NTNG1: variants seen among roughly 807,000 people sequenced by gnomAD.
NTNG1 encodes netrin G1.
In NTNG1, 16 loss-of-function variants were observed where a neutral mutation model predicts 54.0. The observed-to-expected ratio is 0.30, with a 90% CI of 0.20 to 0.45. The LOEUF is 0.45. NTNG1 is among the 20% of genes least tolerant of loss of function. NTNG1 has a pLI of 1.00. For synonymous variants in NTNG1, 255 were observed against 263.1 expected (o/e 0.97, Z 0.30); for missense variants, 530 against 678.7 (o/e 0.78, Z 2.43).
intron 2 of NTNG1, among the ~76,000 whole-genome samples, chr1:107,225,933 A>C (rs780523344): frequency 6.6e-6 from 1 of 152,192 alleles, no homozygotes; most frequent in Non-Finnish European, 1.5e-5. Flanking sequence ...ATGGAGGCAC[A>C]GGTTCTATGT....
chr1:107,383,237 C>T (rs1671755957), intron 3 of NTNG1, among the ~76,000 whole-genome samples: 1 of 152,128 alleles, frequency 6.6e-6, no homozygotes, highest in Admixed American at 6.5e-5. Flanking sequence ...TAGAAGAGGG[C>T]TATGGAGTCA....
intron 7 of NTNG1, among the ~76,000 whole-genome samples, chr1:107,445,311 G>T (rs1676241719): frequency 1.3e-5 from 2 of 152,116 alleles, no homozygotes; most frequent in Admixed American, 6.6e-5. Context: ...CCTAGAGAGG[G>T]CTTGGATATT....
intron 2 of NTNG1, among the ~76,000 whole-genome samples, chr1:107,207,410 A>C (rs1659275933): frequency 6.6e-6 from 1 of 152,344 alleles, no homozygotes; most frequent in South Asian, 2.1e-4. Flanking sequence ...CTCCCAAAGG[A>C]AAAATACTGT....
chr1:107,440,458 C>A (rs552903239), intron 7 of NTNG1, among the ~76,000 whole-genome samples: 1 of 152,242 alleles, frequency 6.6e-6, no homozygotes, highest in South Asian at 2.1e-4. Context: ...CCTGGTGTTT[C>A]ATCTAAAATG....
chr1:107,199,998 A>G (rs541381072), intron 2 of NTNG1, among the ~76,000 whole-genome samples: 36 of 151,876 alleles, frequency 2.4e-4, no homozygotes, highest in Non-Finnish European at 4.3e-4. Context: ...TTTGATCTTC[A>G]TGGAATCATG....
chr1:107,410,299 A>G (rs1427834095), intron 5 of NTNG1: 1 of 152,198 alleles, frequency 6.6e-6, no homozygotes, highest in Non-Finnish European at 1.5e-5. Flanking sequence ...TGGGGCCCTA[A>G]TAAATTTCAG....
chr1:107,431,012 A>G, intron 6 of NTNG1, 95 bp downstream of exon 6: 1 of 1,119,546 alleles, frequency 8.9e-7, no homozygotes, highest in Non-Finnish European at 1.3e-6. Context: ...ACCGCGGTTG[A>G]GCCAGAATGA....
intron 3 of NTNG1, among the ~76,000 whole-genome samples, chr1:107,331,905 A>G (rs749380178): frequency 2.0e-5 from 3 of 151,870 alleles, no homozygotes; most frequent in Non-Finnish European, 2.9e-5. Context: ...TTCCACTAAA[A>G]TTTAATTTAC....
chr1:107,398,372 T>C (rs767376658), intron 4 of NTNG1, among the ~76,000 whole-genome samples: 4 of 152,162 alleles, frequency 2.6e-5, no homozygotes, highest in Non-Finnish European at 5.9e-5. Flanking sequence ...AGTCAGGGAA[T>C]GACAATATTC....
At chr1:107,204,277 G>T (rs1026793383) in intron 2 of NTNG1, among the ~76,000 whole-genome samples, 1 of 152,070 alleles carries the variant, frequency 6.6e-6, no homozygotes, top group Admixed American at 6.6e-5. Flanking sequence ...GTTGAGTCAC[G>T]ACTGTGAATC....
chr1:107,374,336 C>T (rs541603511), intron 3 of NTNG1, among the ~76,000 whole-genome samples: 29 of 152,268 alleles, frequency 1.9e-4, no homozygotes, highest in African/African-American at 6.3e-4. Flanking sequence ...ACCCATCTCT[C>T]TCTCTTCTCC....
chr1:107,296,396 T>C (rs1295791997), intron 2 of NTNG1, among the ~76,000 whole-genome samples: 2 of 151,996 alleles, frequency 1.3e-5, no homozygotes, highest in African/African-American at 2.4e-5. Flanking sequence ...AAGTACAATG[T>C]ATGCACATTG....
At chr1:107,241,039 C>A (rs1661791197) in intron 2 of NTNG1, among the ~76,000 whole-genome samples, 1 of 151,942 alleles carries the variant, frequency 6.6e-6, no homozygotes. Flanking sequence ...ATTGAGATTT[C>A]TTCATTTAAA....
intron 1 of NTNG1, among the ~76,000 whole-genome samples, chr1:107,146,795 C>A (rs2101006333): frequency 6.6e-6 from 1 of 152,020 alleles, no homozygotes; most frequent in South Asian, 2.1e-4. Flanking sequence ...CACAATTCAA[C>A]CATCTGTTGG....
rs773658898 is a variant in NTNG1, at chr1:107,217,170, A to AG, written c.246+68333dup. On this transcript the variant is annotated intron_variant, in intron 2 of 7. Coordinates refer to ENST00000370068, the MANE Select transcript of NTNG1 (RefSeq NM_001113226.3). ...TTTCTATTTCTTCCTGGTTTAATCT[A>AG]GGAGGGTTGTGTATTTCCAGGAATT... is the stretch of plus-strand genomic sequence containing the variant. Among the ~76,000 whole-genome samples the AG allele has an allele frequency of 2.8e-3, 430 of 152,238 alleles. 1 individual carries two copies. Among genetic ancestry groups the AG allele is most frequent in the Non-Finnish European group, 4.4e-3 (302 of 68,018 alleles).
intron 2 of NTNG1, among the ~76,000 whole-genome samples, chr1:107,164,839 A>G (rs1655656232): frequency 2.6e-5 from 4 of 152,176 alleles, no homozygotes. Context: ...GGCAATTTTT[A>G]CTTCTATAGA....
chr1:107,451,646 G>A (rs1178728112), intron 7 of NTNG1, among the ~76,000 whole-genome samples: 1 of 152,134 alleles, frequency 6.6e-6, no homozygotes, highest in Non-Finnish European at 1.5e-5. Flanking sequence ...GATGTTGAGT[G>A]AAGAACCCCC....
chr1:107,224,011 A>G (rs1480662905), intron 2 of NTNG1, among the ~76,000 whole-genome samples: 2 of 152,192 alleles, frequency 1.3e-5, no homozygotes, highest in Non-Finnish European at 2.9e-5. Context: ...TTGTTTTAAG[A>G]TATTTTAATT....
chr1:107,321,482 T>A (rs1168254060), intron 2 of NTNG1, among the ~76,000 whole-genome samples: 1 of 151,976 alleles, frequency 6.6e-6, no homozygotes, highest in Non-Finnish European at 1.5e-5. Context: ...TATGCCTTCA[T>A]TAAAGAACTA....
Sources: allele counts gnomAD v4.1 joint callset (sites outside exome capture counted in the v4.1 genomes callset), GRCh38; gene constraint gnomAD v4.1.1; transcripts MANE v1.5; gene names NCBI Gene and HGNC (gene_info 2026-07-23, HGNC 2026-07-21).